WDR27: variants seen among roughly 807,000 people sequenced by gnomAD.
WDR27 encodes the protein WD repeat domain 27, also known as WD repeat-containing protein 27.
A neutral mutation model predicts 114.4 loss-of-function variants in WDR27; 100 were observed. The ratio of observed to expected loss-of-function variants is 0.87; its 90% CI spans 0.74 to 1.03. WDR27 has a LOEUF of 1.03. WDR27 is among the 50% of genes least tolerant of loss of function. The probability of loss-of-function intolerance (pLI) is 0.00; values close to 1 mark genes in which losing one functional copy is unlikely to be tolerated. For missense variants in WDR27, 1,129 were observed against 1,092.9 expected (o/e 1.03, Z -0.47); for synonymous variants, 449 against 423.1 (o/e 1.06, Z -0.75).
chr6:169,613,331 C>T (rs1384234350), intron 22 of WDR27, among the ~76,000 whole-genome samples: 1 of 152,180 alleles, frequency 6.6e-6, no homozygotes, highest in Non-Finnish European at 1.5e-5. Context: ...CGCTGACCCA[C>T]AGGAAGGGCC....
chr6:169,443,076 C>A, the WDR27 span, among the ~76,000 whole-genome samples: 1 of 152,210 alleles, frequency 6.6e-6, no homozygotes, highest in African/African-American at 2.4e-5. Context: ...ACCTATGACA[C>A]AAAACATGCA....
intron 25 of WDR27, among the ~76,000 whole-genome samples, chr6:169,472,476 T>A (rs1004005470): frequency 1.3e-5 from 2 of 152,222 alleles, no homozygotes; most frequent in African/African-American, 4.8e-5. Context: ...AAATTCTCTT[T>A]ACCTCAGTTT....
intron 23 of WDR27, among the ~76,000 whole-genome samples, chr6:169,585,057 G>C (rs939775680): frequency 6.6e-6 from 1 of 152,136 alleles, no homozygotes; most frequent in Non-Finnish European, 1.5e-5. Flanking sequence ...GACACAATGA[G>C]GAAAGGATAA....
At chr6:169,697,057 C>T (rs986058226) in intron 1 of WDR27, among the ~76,000 whole-genome samples, 1 of 152,204 alleles carries the variant, frequency 6.6e-6, no homozygotes, top group East Asian at 1.9e-4. Flanking sequence ...ACGAGCTGTT[C>T]CAGTATAATA....
chr6:169,548,176 T>C (rs1385922112), intron 25 of WDR27, among the ~76,000 whole-genome samples: 1 of 152,004 alleles, frequency 6.6e-6, no homozygotes, highest in South Asian at 2.1e-4. Flanking sequence ...ATGAAGGATA[T>C]CAAAGAAGAA....
At chr6:169,529,926 G>A (rs748286179) in intron 25 of WDR27, among the ~76,000 whole-genome samples, 12 of 152,278 alleles carry the variant, frequency 7.9e-5, no homozygotes, top group African/African-American at 2.9e-4. Context: ...AATTAGATGT[G>A]TAATAGGAAT....
At chr6:169,691,040 C>A (rs545251993) in intron 1 of WDR27, among the ~76,000 whole-genome samples, 1 of 152,164 alleles carries the variant, frequency 6.6e-6, no homozygotes, top group East Asian at 1.9e-4. Flanking sequence ...ACGGTGAAAC[C>A]CTGTCTCTAC....
chr6:169,658,643 G>A (rs915754411), intron 12 of WDR27, among the ~76,000 whole-genome samples: 9 of 151,096 alleles, frequency 6.0e-5, no homozygotes, highest in East Asian at 3.9e-4. Context: ...GCAACAGCAC[G>A]AAAAACCTTC....
chr6:169,632,833 T>C, intron 21 of WDR27, 114 bp downstream of exon 21: 1 of 998,812 alleles, frequency 1.0e-6, no homozygotes, highest in Non-Finnish European at 1.3e-6. Flanking sequence ...CAATAAAAAT[T>C]AACATTGAAT....
At chr6:169,525,535 CAAAAAA>C (rs569369732) in intron 25 of WDR27, among the ~76,000 whole-genome samples, 2 of 96,984 alleles carry the variant, frequency 2.1e-5, no homozygotes, top group African/African-American at 6.8e-5. Context: ...GACTCCATCT[CAAAAAA>C]AAAAAAAAGA....
At chr6:169,656,419 C>T (rs924470101) in intron 13 of WDR27, among the ~76,000 whole-genome samples, 1 of 152,090 alleles carries the variant, frequency 6.6e-6, no homozygotes, top group African/African-American at 2.4e-5. Flanking sequence ...TGCCTGTGTC[C>T]ACCTGGAGGT....
chr6:169,659,032 G>GATGGCACTTA lies in WDR27; in HGVS notation c.1319+44_1319+53dup, dbSNP rs1825166915. ...CTTTATTTCTGAACATAGAAATCCA[G>GATGGCACTTA]ATGGCACTTATTGGTGAACACACAC... On this transcript the variant is annotated intron_variant, in intron 12 of 25. Coordinates refer to ENST00000448612, the MANE Select transcript of WDR27 (RefSeq NM_182552.5). The surrounding 1 kb of genome is among the most constrained non-coding windows in gnomAD (Gnocchi z 4.3). The GATGGCACTTA allele has an allele frequency of 6.1e-6, 9 of 1,482,824 alleles. No individual in the cohort carries two copies. In the East Asian group the frequency reaches 2.2e-4, roughly 36 times the overall value. 91.9% of individuals were successfully genotyped at this position (1,482,824 alleles called of 1,614,324 possible).
intron 25 of WDR27, among the ~76,000 whole-genome samples, chr6:169,466,799 C>T (rs1469425017): frequency 1.3e-5 from 2 of 152,212 alleles, no homozygotes; most frequent in Non-Finnish European, 2.9e-5. Flanking sequence ...CATGTCTTCA[C>T]ATTTCAAAAC....
At chr6:169,527,859 T>C (rs889589757) in intron 25 of WDR27, among the ~76,000 whole-genome samples, 2 of 152,188 alleles carry the variant, frequency 1.3e-5, no homozygotes, top group African/African-American at 2.4e-5. Context: ...CATTGAGAAA[T>C]ATTTATTGTA....
At chr6:169,429,379 A>AT in the WDR27 span, among the ~76,000 whole-genome samples, 1 of 149,922 alleles carries the variant, frequency 6.7e-6, no homozygotes, top group African/African-American at 2.5e-5. Flanking sequence ...TTGCACAGGC[A>AT]TTTGTGAAAA....
At chr6:169,477,273 C>G (rs1053955717) in intron 25 of WDR27, among the ~76,000 whole-genome samples, 3 of 152,208 alleles carry the variant, frequency 2.0e-5, no homozygotes, top group African/African-American at 7.2e-5. Context: ...TTGTTCATAA[C>G]TGAAATGGGC....
At chr6:169,629,361 T>G (rs1815716846) in intron 21 of WDR27, among the ~76,000 whole-genome samples, 1 of 152,132 alleles carries the variant, frequency 6.6e-6, no homozygotes, top group African/African-American at 2.4e-5. Context: ...AGGCCAAGTT[T>G]TAATCTAGAC....
chr6:169,550,901 A>G (rs980186072), intron 25 of WDR27, among the ~76,000 whole-genome samples: 1 of 152,134 alleles, frequency 6.6e-6, no homozygotes, highest in Non-Finnish European at 1.5e-5. Flanking sequence ...TGTTTTGTAG[A>G]GACGGGGTCT....
intron 16 of WDR27, among the ~76,000 whole-genome samples, chr6:169,645,772 G>C (rs1051189437): frequency 1.4e-5 from 2 of 139,386 alleles, no homozygotes; most frequent in Non-Finnish European, 3.1e-5. Flanking sequence ...CTGTAGAAAA[G>C]CCTAGTTCAC....
Sources: allele counts gnomAD v4.1 joint callset (sites outside exome capture counted in the v4.1 genomes callset), GRCh38; gene constraint gnomAD v4.1.1; non-coding constraint Gnocchi (gnomAD v3.1); transcripts MANE v1.5; gene names NCBI Gene and HGNC (gene_info 2026-07-23, HGNC 2026-07-21).